PPP1R21: variants seen among roughly 807,000 people sequenced by gnomAD.
PPP1R21 encodes the protein KLRAQ motif containing 1.
Under a neutral mutation model 112.8 loss-of-function variants are expected in PPP1R21, and 85 were observed. The ratio of observed to expected loss-of-function variants is 0.75; its 90% CI spans 0.63 to 0.90. PPP1R21 has a LOEUF of 0.90. Ranked by LOEUF, PPP1R21 falls within the 40% of genes least tolerant of loss-of-function variation. PPP1R21 has a pLI of 0.00. For synonymous variants in PPP1R21, 381 were observed against 322.3 expected (o/e 1.18, Z -1.95); for missense variants, 1,199 against 901.5 (o/e 1.33, Z -4.23).
intron 3 of PPP1R21, among the ~76,000 whole-genome samples, chr2:48,455,621 T>C (rs1396738998): frequency 2.6e-5 from 4 of 152,192 alleles, no homozygotes; most frequent in East Asian, 3.8e-4. Flanking sequence ...GAATATCTTA[T>C]ATTAGCTAAA....
intron 1 of PPP1R21, among the ~76,000 whole-genome samples, chr2:48,446,565 T>C (rs182149688): frequency 1.1e-3 from 172 of 152,338 alleles, no homozygotes; most frequent in African/African-American, 4.1e-3. Flanking sequence ...CCTTTATATG[T>C]ATAATTTATT....
At chr2:48,445,269 T>C (rs1667198652) in intron 1 of PPP1R21, among the ~76,000 whole-genome samples, 1 of 152,078 alleles carries the variant, frequency 6.6e-6, no homozygotes, top group African/African-American at 2.4e-5. Context: ...GTATCTGTGC[T>C]GTCCAGCAGG....
At chr2:48,476,055 C>T (rs1219751431) in intron 12 of PPP1R21, among the ~76,000 whole-genome samples, 2 of 152,056 alleles carry the variant, frequency 1.3e-5, no homozygotes, top group Non-Finnish European at 2.9e-5. Flanking sequence ...AATTTTGGAA[C>T]ACTTTTATCA....
At chr2:48,486,437 C>G (rs1669300105) in intron 13 of PPP1R21, among the ~76,000 whole-genome samples, 194 bp from the exon 14 acceptor site, 1 of 152,102 alleles carries the variant, frequency 6.6e-6, no homozygotes, top group African/African-American at 2.4e-5. Flanking sequence ...TTCAGAGATC[C>G]TTACTTCTCT....
chr2:48,444,945 C>A (rs1410298587), intron 1 of PPP1R21, among the ~76,000 whole-genome samples: 1 of 151,302 alleles, frequency 6.6e-6, no homozygotes, highest in East Asian at 1.9e-4. Context: ...GCAATTGATG[C>A]TTCCTTTGCA....
intron 13 of PPP1R21, among the ~76,000 whole-genome samples, chr2:48,480,274 T>G (rs1326331265): frequency 6.6e-6 from 1 of 152,220 alleles, no homozygotes; most frequent in Non-Finnish European, 1.5e-5. Context: ...TACGTTACAC[T>G]GACTTTAGGC....
At chr2:48,470,018 C>T (rs1668432001) in intron 9 of PPP1R21, among the ~76,000 whole-genome samples, 1 of 152,116 alleles carries the variant, frequency 6.6e-6, no homozygotes, top group South Asian at 2.1e-4. Flanking sequence ...AGTTGAATCA[C>T]ATTTCTGCAA....
intron 21 of PPP1R21, among the ~76,000 whole-genome samples, chr2:48,512,433 C>T (rs1228295925): frequency 6.8e-6 from 1 of 147,512 alleles, no homozygotes; most frequent in Non-Finnish European, 1.5e-5. Flanking sequence ...GATTTACCAT[C>T]TCCAGCCTGC....
Position 48,498,676 on chromosome 2 carries a change from G to C in PPP1R21, c.1876G>C (p.Ala626Pro), listed in dbSNP as rs755046018. 3 of 1,614,204 alleles carry C rather than the reference G, an allele frequency of 1.9e-6. No individual in the cohort carries two copies. The highest frequency in any genetic ancestry group is 1.7e-6 in the Non-Finnish European group (2 of 1,180,020). Residue 626 changes from alanine (A) to proline (P), a missense_variant, in exon 17 of 22, where the codon GCT becomes CCT. By Grantham distance (27) the Ala-to-Pro change is conservative. Transcript: ENST00000294952. ...GGAAAATGCTGCTGTGTCAAATACT[G>C]CTGGCCAGGATGAAGCCACAGCTAA... The part of the protein sequence containing the change: ...AQENAAVSNT[A>P]GQDEATAKAV...
chr2:48,441,027 G>T lies in PPP1R21; in HGVS notation c.57+17G>T, dbSNP rs1281346284. 1 of 1,573,832 alleles carries T rather than the reference G, an allele frequency of 6.4e-7. No individual in the cohort carries two copies. The highest frequency in any genetic ancestry group is 1.7e-5 in the Admixed American group (1 of 59,628). On this transcript the variant is annotated intron_variant, in intron 1 of 21. Coordinates refer to ENST00000294952, the MANE Select transcript of PPP1R21 (RefSeq NM_001135629.3). ...TACTCGAAGGTACCCATCGTGGTCT[G>T]GGAGTAGGGGGTCCCCCGCCCTGCG...
chr2:48,445,798 A>G (rs886500144), intron 1 of PPP1R21, among the ~76,000 whole-genome samples: 10 of 152,232 alleles, frequency 6.6e-5, no homozygotes, highest in Non-Finnish European at 7.3e-5. Flanking sequence ...CTACTGCTGC[A>G]TAATATGTAG....
intron 7 of PPP1R21, 48 bp downstream of exon 7, chr2:48,461,280 T>G: frequency 4.1e-6 from 6 of 1,474,848 alleles, no homozygotes; most frequent in Middle Eastern, 4.6e-4. Context: ...TGAATCTCTC[T>G]GTGGTAGCCA....
intron 14 of PPP1R21, among the ~76,000 whole-genome samples, chr2:48,488,236 C>T (rs1669398039): frequency 6.6e-6 from 1 of 152,180 alleles, no homozygotes; most frequent in Admixed American, 6.5e-5. Context: ...GGACCATCCC[C>T]ACTGCCTCCC....
At chr2:48,505,716 A>T in intron 18 of PPP1R21, 120 bp downstream of exon 18, 1 of 836,936 alleles carries the variant, frequency 1.2e-6, no homozygotes, top group Non-Finnish European at 2.0e-6. Flanking sequence ...TGACACTTCT[A>T]GCAAATGTGG....
At chr2:48,495,581 T>C in intron 15 of PPP1R21, 98 bp from the exon 16 acceptor site, 5 of 691,448 alleles carry the variant, frequency 7.2e-6, no homozygotes, top group South Asian at 6.8e-5. Flanking sequence ...CATCTGAATT[T>C]ATTGTCACAC....
intron 19 of PPP1R21, among the ~76,000 whole-genome samples, chr2:48,508,248 C>G (rs143504338): frequency 1.3e-5 from 2 of 152,228 alleles, no homozygotes; most frequent in African/African-American, 4.8e-5. Context: ...TTCAAGATCT[C>G]TGACTTGAAA....
intron 17 of PPP1R21, among the ~76,000 whole-genome samples, chr2:48,504,994 TA>T (rs1199910261): frequency 2.6e-4 from 39 of 149,404 alleles, no homozygotes; most frequent in Non-Finnish European, 4.6e-4. Flanking sequence ...ACCTTGTGTC[TA>T]AAAAAAAAAT....
chr2:48,442,556 G>A (rs987054428), intron 1 of PPP1R21, among the ~76,000 whole-genome samples: 1 of 152,206 alleles, frequency 6.6e-6, no homozygotes, highest in Non-Finnish European at 1.5e-5. Flanking sequence ...GAGTGAGGCA[G>A]GGTTCAGCTT....
intron 9 of PPP1R21, among the ~76,000 whole-genome samples, chr2:48,470,747 A>C (rs1015766703): frequency 6.6e-6 from 1 of 152,062 alleles, no homozygotes; most frequent in African/African-American, 2.4e-5. Flanking sequence ...GTGTTCAGGG[A>C]GGCTGACCTG....
Sources: gnomAD v4.1 joint callset for allele counts (sites outside exome capture counted in the v4.1 genomes callset) on GRCh38, gnomAD v4.1.1 for gene constraint, MANE v1.5 for transcripts, NCBI Gene and HGNC (gene_info 2026-07-23, HGNC 2026-07-21) for gene names.